The following NAALADL2 variants were observed in gnomAD, a reference collection of about 807,000 sequenced individuals.
NAALADL2 encodes inactive N-acetylated-alpha-linked acidic dipeptidase-like protein 2.
NAALADL2 carries 76 observed loss-of-function variants against 87.2 expected under a neutral mutation model. The ratio of observed to expected loss-of-function variants is 0.87; its 90% confidence interval spans 0.72 to 1.05. The LOEUF (loss-of-function observed/expected upper bound fraction) is 1.05, where lower values mean the gene tolerates loss of function less well. NAALADL2 is among the 50% of genes least tolerant of loss of function. The pLI is 0.00. For synonymous variants in NAALADL2, 354 were observed against 331.0 expected, an observed-to-expected ratio of 1.07 and a Z score of -0.75; for missense variants, 1,089 against 945.8, an observed-to-expected ratio of 1.15 and a Z score of -1.99.
At chr3:175,574,197 G>A (rs940950366) in intron 9 of NAALADL2, among the ~76,000 whole-genome samples, 15 of 152,128 alleles carry the variant, frequency 9.9e-5, no homozygotes, top group Non-Finnish European at 1.8e-4. Flanking sequence ...CAAAAGACAT[G>A]GTGATCTGAA....
chr3:174,914,005 G>A (rs73174799), intron 1 of NAALADL2, among the ~76,000 whole-genome samples: 21 of 150,906 alleles, frequency 1.4e-4, no homozygotes, highest in Non-Finnish European at 2.5e-4. Flanking sequence ...AGGAGATTAT[G>A]TATTTCATTT....
chr3:175,638,143 A>G (rs888173967), intron 11 of NAALADL2, among the ~76,000 whole-genome samples: 4 of 152,214 alleles, frequency 2.6e-5, no homozygotes, highest in African/African-American at 9.6e-5. Context: ...TCGAATCATA[A>G]GAAATTTTAT....
rs545139502 is a variant in NAALADL2 at position 174,493,904 on chromosome 3, A to G, written c.-184+52872A>G. Among the ~76,000 whole-genome samples, 30 of 152,352 alleles carry G rather than the reference A, an allele frequency of 2.0e-4. No homozygotes were observed. In the South Asian group the frequency reaches 4.1e-3, roughly 21 times the overall value. ...AACAGATAATTAAAATATTGTTTGA[A>G]AAGTGCTGTGATAGAGATACGAACA... On this transcript the variant is annotated intron_variant, in intron 1 of 3. Coordinates refer to the NAALADL2 transcript ENST00000434257.
In NAALADL2 at chr3:175,346,680, G is replaced by C. The variant is rs551757250; in HGVS notation, c.1090+22355G>C. Among the ~76,000 whole-genome samples, 4 of 152,226 alleles carry C rather than the reference G, an allele frequency of 2.6e-5. No homozygotes were observed. The East Asian group carries it at 5.8e-4, about 22-fold the overall frequency. ...AAACTGACATTTTTTCAGTTTCTGT[G>C]TGCTACGCTTAAAATCACACAATGT... On this transcript the variant is annotated intron_variant, in intron 5 of 13. Transcript: ENST00000454872.
intron 2 of NAALADL2, among the ~76,000 whole-genome samples, chr3:174,654,255 T>C (rs1724681666): frequency 6.6e-6 from 1 of 152,150 alleles, no homozygotes; most frequent in South Asian, 2.1e-4. Context: ...GTGCCACAGT[T>C]TCTCTAAAGT....
At chr3:174,746,661 A>G (rs983968455) in intron 3 of NAALADL2, among the ~76,000 whole-genome samples, 1 of 152,220 alleles carries the variant, frequency 6.6e-6, no homozygotes, top group Non-Finnish European at 1.5e-5. Context: ...TGGAGGTATC[A>G]CATTACCTGA....
At chr3:175,054,821 G>A (rs771800591) in intron 1 of NAALADL2, among the ~76,000 whole-genome samples, 1 of 152,070 alleles carries the variant, frequency 6.6e-6, no homozygotes, top group Non-Finnish European at 1.5e-5. Context: ...TTGACTTTGA[G>A]GGCTGTATAA....
chr3:175,553,476 A>G (rs1481435288), intron 9 of NAALADL2, among the ~76,000 whole-genome samples: 1 of 152,096 alleles, frequency 6.6e-6, no homozygotes, highest in Non-Finnish European at 1.5e-5. Context: ...CTCCTCCAAC[A>G]GCTATATCCC....
intron 11 of NAALADL2, among the ~76,000 whole-genome samples, chr3:175,694,610 A>G (rs1737493424): frequency 6.6e-6 from 1 of 152,126 alleles, no homozygotes; most frequent in Non-Finnish European, 1.5e-5. Flanking sequence ...AAGTGTGTCT[A>G]CTTTGAATTC....
At chr3:175,197,804 A>G (rs1036758265) in intron 2 of NAALADL2, among the ~76,000 whole-genome samples, 7 of 152,128 alleles carry the variant, frequency 4.6e-5, no homozygotes, top group Admixed American at 4.6e-4. Context: ...ATAGAGAAGT[A>G]TGGAATTGAG....
chr3:174,633,620 T>C (rs1330425656), intron 2 of NAALADL2, among the ~76,000 whole-genome samples: 1 of 152,218 alleles, frequency 6.6e-6, no homozygotes, highest in Non-Finnish European at 1.5e-5. Context: ...TGCTGCATTA[T>C]TTAAGGCAAG....
chr3:175,041,339 G>T (rs1268581985), intron 1 of NAALADL2, among the ~76,000 whole-genome samples: 1 of 152,072 alleles, frequency 6.6e-6, no homozygotes, highest in Non-Finnish European at 1.5e-5. Context: ...TTTCAAATTT[G>T]CTGTTTCTAA....
chr3:174,486,253 A>G (rs1717851033), intron 1 of NAALADL2, among the ~76,000 whole-genome samples: 1 of 152,084 alleles, frequency 6.6e-6, no homozygotes, highest in Admixed American at 6.6e-5. Context: ...TCCTAAGGAT[A>G]TACATTGTTG....
intron 3 of NAALADL2, among the ~76,000 whole-genome samples, chr3:174,756,645 A>T (rs1253868732): frequency 6.6e-6 from 1 of 152,240 alleles, no homozygotes; most frequent in Non-Finnish European, 1.5e-5. Context: ...TCATGAACAG[A>T]TAGAGATCTG....
At chr3:175,518,321 CAATT>C (rs1230573901) in intron 9 of NAALADL2, among the ~76,000 whole-genome samples, 1 of 152,136 alleles carries the variant, frequency 6.6e-6, no homozygotes, top group Non-Finnish European at 1.5e-5. Flanking sequence ...TTTCAAACAA[CAATT>C]AAACCAGATG....
At chr3:174,880,367 A>G (rs773582386) in intron 1 of NAALADL2, among the ~76,000 whole-genome samples, 2 of 152,120 alleles carry the variant, frequency 1.3e-5, no homozygotes. Context: ...AAACAAGCAA[A>G]AACAAAAACC....
chr3:175,417,728 C>T (rs773913287), intron 5 of NAALADL2, among the ~76,000 whole-genome samples: 1 of 152,066 alleles, frequency 6.6e-6, no homozygotes, highest in Non-Finnish European at 1.5e-5. Flanking sequence ...AGCTGTCTGA[C>T]ATTAAAAAAT....
intron 3 of NAALADL2, among the ~76,000 whole-genome samples, chr3:175,252,402 G>A (rs1272958302): frequency 2.0e-5 from 3 of 152,120 alleles, no homozygotes; most frequent in African/African-American, 7.2e-5. Flanking sequence ...ACCAGGAAAT[G>A]CACCCATATA....
chr3:175,677,359 C>CAA (rs113531403), intron 11 of NAALADL2, among the ~76,000 whole-genome samples: 1 of 144,830 alleles, frequency 6.9e-6, no homozygotes, highest in African/African-American at 2.5e-5. Flanking sequence ...GAGACTCTGT[C>CAA]AAAAAAAAAA....
Sources: allele counts gnomAD v4.1 joint callset (sites outside exome capture counted in the v4.1 genomes callset), GRCh38; gene constraint gnomAD v4.1.1; transcripts MANE v1.5; gene names NCBI Gene and HGNC (gene_info 2026-07-23, HGNC 2026-07-21).